KSR2: variants seen among roughly 807,000 people sequenced by gnomAD.
KSR2 encodes kinase suppressor of ras 2.
A neutral mutation model predicts 107.8 loss-of-function variants in KSR2; 25 were observed. The observed-to-expected ratio is 0.23, with a 90% CI of 0.17 to 0.32. The LOEUF (loss-of-function observed/expected upper bound fraction) is 0.32. KSR2 is among the 10% of genes least tolerant of loss of function. The pLI, the probability that KSR2 is intolerant of heterozygous loss-of-function variation, is 1.00. For missense variants in KSR2, 887 were observed against 1,268.9 expected, an observed-to-expected ratio of 0.70 and a Z score of 4.57; for synonymous variants, 480 against 507.0, an observed-to-expected ratio of 0.95 and a Z score of 0.71.
At chr12:117,929,086 A>G (rs1230610785) in intron 1 of KSR2, among the ~76,000 whole-genome samples, 2 of 152,240 alleles carry the variant, frequency 1.3e-5, no homozygotes, top group African/African-American at 4.8e-5. Flanking sequence ...ATGACTTCAG[A>G]CATACATCTC....
chr12:117,748,372 T>C (rs1437187018), intron 4 of KSR2, among the ~76,000 whole-genome samples: 2 of 152,188 alleles, frequency 1.3e-5, no homozygotes, highest in Admixed American at 6.5e-5. Context: ...TTCAGATCTA[T>C]TGCACAGCAT....
chr12:117,779,076 A>T (rs556800167), intron 3 of KSR2, among the ~76,000 whole-genome samples: 14 of 152,276 alleles, frequency 9.2e-5, no homozygotes, highest in Admixed American at 8.5e-4. Context: ...TCCCTCTGCA[A>T]AGACAGTGCT....
At chr12:117,533,372 C>G (rs1875799134) in intron 10 of KSR2, among the ~76,000 whole-genome samples, 1 of 152,242 alleles carries the variant, frequency 6.6e-6, no homozygotes, top group South Asian at 2.1e-4. Context: ...CAGTGTGCAA[C>G]ACACATTTGT....
rs181752082 is a variant in KSR2, at chr12:117,960,995, C to T, written c.180+7081G>A. On this transcript the variant is annotated intron_variant, in intron 1 of 19. Transcript: ENST00000339824. ...TTGTATTTTGGTAGATATGGGGCTT[C>T]ACCACATTGTCCAGACTGGTCTTGA... 4.9e-3 allele frequency among the ~76,000 whole-genome samples: 739 copies of T among 152,056 alleles called. 5 individuals are homozygous for T. The highest frequency in any genetic ancestry group is 0.017 in the African/African-American group (696 of 41,502).
At chr12:117,688,004 T>TA (rs906316992) in intron 4 of KSR2, among the ~76,000 whole-genome samples, 3 of 152,184 alleles carry the variant, frequency 2.0e-5, no homozygotes, top group Non-Finnish European at 4.4e-5. Flanking sequence ...CTAAGTTAGA[T>TA]AGAGTTGGCT....
At chr12:117,955,679 T>C (rs1896489214) in intron 1 of KSR2, among the ~76,000 whole-genome samples, 1 of 151,986 alleles carries the variant, frequency 6.6e-6, no homozygotes, top group South Asian at 2.1e-4. Context: ...TGCACTGCTT[T>C]AATCAATGGC....
intron 5 of KSR2, among the ~76,000 whole-genome samples, chr12:117,640,231 T>TC (rs1273808990): frequency 4.5e-5 from 5 of 111,550 alleles, no homozygotes; most frequent in Non-Finnish European, 1.2e-4. Context: ...CCAATGAAGC[T>TC]CTTTTTTTTT....
At chr12:117,853,649 T>C (rs868029515) in intron 3 of KSR2, among the ~76,000 whole-genome samples, 13 of 152,026 alleles carry the variant, frequency 8.6e-5, no homozygotes, top group African/African-American at 3.1e-4. Flanking sequence ...GCCTGCAATT[T>C]TTTTTTAAAG....
chr12:117,521,503 C>A (rs1565882006), intron 14 of KSR2, among the ~76,000 whole-genome samples: 1 of 152,172 alleles, frequency 6.6e-6, no homozygotes, highest in Non-Finnish European at 1.5e-5. Flanking sequence ...AATCCCATAA[C>A]GACCCAATTG....
intron 3 of KSR2, among the ~76,000 whole-genome samples, chr12:117,823,652 G>C (rs1390092881): frequency 6.6e-6 from 1 of 152,202 alleles, no homozygotes; most frequent in Non-Finnish European, 1.5e-5. Flanking sequence ...GTAGGAGGAA[G>C]ACCAGGAGAG....
intron 1 of KSR2, among the ~76,000 whole-genome samples, chr12:117,867,051 CA>C (rs1337641898): frequency 6.6e-6 from 1 of 152,120 alleles, no homozygotes; most frequent in Non-Finnish European, 1.5e-5. Flanking sequence ...CACAGTGGCT[CA>C]AACCTGCAAT....
At position 117,843,675 on chromosome 12, in the gene KSR2, C is replaced by A. The variant is rs549688022; in HGVS notation, c.472+11753G>T. Among the ~76,000 whole-genome samples, 240 of 152,316 alleles carry A rather than the reference C, an allele frequency of 1.6e-3. 1 individual carries two copies. The highest frequency in any genetic ancestry group is 5.2e-3 in the African/African-American group (215 of 41,570). On this transcript the variant is annotated intron_variant, in intron 3 of 19. Coordinates refer to ENST00000339824, the MANE Select transcript of KSR2 (RefSeq NM_173598.6). Reference sequence around the variant, plus strand: ...ATCCTCCATCTTCCCTACCTCACAGCCAACTCTTCTTCCTGACAGTAGTCC... The same window carrying A: ...ATCCTCCATCTTCCCTACCTCACAGACAACTCTTCTTCCTGACAGTAGTCC...
chr12:117,762,413 C>G (rs923633498), intron 3 of KSR2, among the ~76,000 whole-genome samples: 1 of 152,144 alleles, frequency 6.6e-6, no homozygotes, highest in Non-Finnish European at 1.5e-5. Context: ...CAACTATGCC[C>G]TTTGCTTGGA....
chr12:117,831,497 T>C (rs1271991455), intron 3 of KSR2, among the ~76,000 whole-genome samples: 1 of 152,126 alleles, frequency 6.6e-6, no homozygotes, highest in African/African-American at 2.4e-5. Context: ...GGAGACAGCT[T>C]GGGAAAATGA....
chr12:117,919,984 G>A (rs1397476166), intron 1 of KSR2, among the ~76,000 whole-genome samples: 3 of 152,148 alleles, frequency 2.0e-5, no homozygotes, highest in Non-Finnish European at 4.4e-5. Flanking sequence ...TTTAAAAGAT[G>A]GGACTAACAA....
chr12:117,955,691 G>A (rs1274250896), intron 1 of KSR2, among the ~76,000 whole-genome samples: 5 of 151,792 alleles, frequency 3.3e-5, no homozygotes. Flanking sequence ...ATCAATGGCT[G>A]CCTGGTAACT....
Position 117,480,229 on chromosome 12 carries a change from T to C in KSR2, c.2451-3634A>G, listed in dbSNP as rs542472445. On this transcript the variant is annotated intron_variant, in intron 16 of 19. Transcript: ENST00000339824. ...AAAGGGAAGCTTCTCTGCTCCCATCTTTTTGCAAACACCCCTGCCACCTCT... is the reference window on the plus strand; with the variant it reads ...AAAGGGAAGCTTCTCTGCTCCCATCCTTTTGCAAACACCCCTGCCACCTCT... 1.5e-4 allele frequency among the ~76,000 whole-genome samples: 23 copies of C among 152,252 alleles called. 2 individuals carry two copies. In the East Asian group the frequency reaches 3.3e-3, roughly 22 times the overall value.
intron 1 of KSR2, among the ~76,000 whole-genome samples, chr12:117,863,466 G>A (rs902156551): frequency 1.3e-5 from 2 of 152,132 alleles, no homozygotes; most frequent in African/African-American, 4.8e-5. Context: ...AGATCTCCCT[G>A]GACTCTGCAG....
chr12:117,650,864 T>C (rs542872788), intron 5 of KSR2, among the ~76,000 whole-genome samples: 86 of 152,286 alleles, frequency 5.6e-4, no homozygotes, highest in African/African-American at 2.0e-3. Flanking sequence ...TCTACTAAGA[T>C]TGCCCTGAGT....
Sources: gnomAD v4.1 joint callset for allele counts (sites outside exome capture counted in the v4.1 genomes callset) on GRCh38, gnomAD v4.1.1 for gene constraint, MANE v1.5 for transcripts, NCBI Gene and HGNC (gene_info 2026-07-23, HGNC 2026-07-21) for gene names.